ADAMTS12: variants seen among roughly 807,000 people sequenced by gnomAD.
The protein encoded by ADAMTS12 is A disintegrin and metalloproteinase with thrombospondin motifs 12.
ADAMTS12 carries 118 observed loss-of-function variants against 167.8 expected under a neutral mutation model. The observed-to-expected ratio is 0.70, with a 90% CI of 0.61 to 0.82. The LOEUF (loss-of-function observed/expected upper bound fraction) is 0.82, where lower values mean the gene tolerates loss of function less well. Among genes scored for constraint, ADAMTS12 ranks in the 40% least tolerant of loss-of-function variants. ADAMTS12 has a pLI of 0.00. For synonymous variants in ADAMTS12, 704 were observed against 716.9 expected (o/e 0.98, Z 0.29); for missense variants, 1,916 against 1,998.8 (o/e 0.96, Z 0.79).
At chr5:33,796,259 G>T (rs1237346414) in intron 2 of ADAMTS12, among the ~76,000 whole-genome samples, 1 of 152,316 alleles carries the variant, frequency 6.6e-6, no homozygotes, top group East Asian at 1.9e-4. Context: ...GGTGCTGGAG[G>T]ATGCATCAGT....
chr5:33,822,374 C>T (rs1747898862), intron 2 of ADAMTS12, among the ~76,000 whole-genome samples: 1 of 152,138 alleles, frequency 6.6e-6, no homozygotes, highest in African/African-American at 2.4e-5. Context: ...GGGAGGAAGA[C>T]TTTAGTTCTG....
chr5:33,656,400 T>C (rs1469253380), intron 7 of ADAMTS12, among the ~76,000 whole-genome samples: 1 of 152,182 alleles, frequency 6.6e-6, no homozygotes, highest in Non-Finnish European at 1.5e-5. Context: ...TTTACTTAGG[T>C]GGCCTTCCTT....
chr5:33,634,779 G>A (rs1000561960), intron 12 of ADAMTS12, among the ~76,000 whole-genome samples: 5 of 151,830 alleles, frequency 3.3e-5, no homozygotes, highest in African/African-American at 1.2e-4. Context: ...ACCACAGAAA[G>A]GTATAAAAAC....
intron 2 of ADAMTS12, among the ~76,000 whole-genome samples, chr5:33,789,167 G>A (rs1478128207): frequency 7.1e-6 from 1 of 141,290 alleles, no homozygotes; most frequent in Non-Finnish European, 1.5e-5. Context: ...TTCCCTAGGG[G>A]ACAGAAAGGT....
In ADAMTS12 at chr5:33,526,201, G is replaced by A. The variant is rs746534046; in HGVS notation, c.*987C>T. ...CCTCCATTTTCCAACCTGAGAAGAG[G>A]TGAGGACAGGTGGCAGCCCTAGAGC... On this transcript the variant is annotated 3_prime_UTR_variant, in exon 24 of 24. Coordinates refer to ENST00000504830, the MANE Select transcript of ADAMTS12 (RefSeq NM_030955.4). 15 of 152,186 alleles carry A rather than the reference G, an allele frequency of 9.9e-5. No individual in the cohort carries two copies. Among genetic ancestry groups the A allele is most frequent in the African/African-American group, 3.6e-4 (15 of 41,418 alleles). The allele number at this position is 152,186 out of a possible 1,614,324, so 9.4% of individuals were successfully genotyped here.
chr5:33,649,968 G>C lies in ADAMTS12; in HGVS notation c.1191-271C>G, dbSNP rs74915942. ...AAACTTCTGCTTGGCAGAAGGCTAAGAGCTCTGTCTGGCTTTCTTTCTATG... is the reference window on the plus strand; with the variant it reads ...AAACTTCTGCTTGGCAGAAGGCTAACAGCTCTGTCTGGCTTTCTTTCTATG... On this transcript the variant is annotated intron_variant, in intron 7 of 23. Coordinates refer to ENST00000504830, the MANE Select transcript of ADAMTS12 (RefSeq NM_030955.4). Among the ~76,000 whole-genome samples, 826 of 152,336 alleles carry C rather than the reference G, an allele frequency of 5.4e-3. 2 individuals are homozygous for C. Among genetic ancestry groups the C allele is most frequent in the African/African-American group, 0.019 (796 of 41,592 alleles).
chr5:33,608,212 A>G (rs1428935559), intron 16 of ADAMTS12, among the ~76,000 whole-genome samples: 1 of 152,256 alleles, frequency 6.6e-6, no homozygotes, highest in East Asian at 1.9e-4. Flanking sequence ...AGGAGGAAAG[A>G]CACACAAAAA....
intron 2 of ADAMTS12, among the ~76,000 whole-genome samples, chr5:33,785,773 T>A (rs1746303466): frequency 6.6e-6 from 1 of 152,200 alleles, no homozygotes; most frequent in South Asian, 2.1e-4. Flanking sequence ...CTCAAAAGAC[T>A]AACATAGACA....
chr5:33,873,843 T>C (rs1750129366), intron 2 of ADAMTS12, among the ~76,000 whole-genome samples: 3 of 152,088 alleles, frequency 2.0e-5, no homozygotes, highest in Non-Finnish European at 4.4e-5. Context: ...GCTGAACAAA[T>C]GAACATTCAC....
intron 2 of ADAMTS12, among the ~76,000 whole-genome samples, chr5:33,841,279 CA>C (rs1157961747): frequency 6.6e-6 from 1 of 152,204 alleles, no homozygotes; most frequent in Non-Finnish European, 1.5e-5. Flanking sequence ...CCTTCCTTTT[CA>C]TCCTTTTTGT....
chr5:33,735,122 C>T (rs1192667723), intron 3 of ADAMTS12, among the ~76,000 whole-genome samples: 2 of 152,164 alleles, frequency 1.3e-5, no homozygotes, highest in Admixed American at 6.5e-5. Flanking sequence ...GTTAAATTCT[C>T]CCAACCCTTA....
chr5:33,780,559 G>A (rs1746088687), intron 2 of ADAMTS12, among the ~76,000 whole-genome samples: 2 of 152,200 alleles, frequency 1.3e-5, no homozygotes, highest in South Asian at 4.1e-4. Context: ...ATAAGCTAAG[G>A]TGGTTCAGGT....
chr5:33,886,434 C>G (rs1001556630), intron 1 of ADAMTS12, among the ~76,000 whole-genome samples: 2 of 152,210 alleles, frequency 1.3e-5, no homozygotes, highest in Non-Finnish European at 2.9e-5. Flanking sequence ...TAGGAAGTCA[C>G]TATGCCACGT....
Position 33,576,528 on chromosome 5 carries a change from A to T in ADAMTS12, c.3498T>A (p.Pro1166=), listed in dbSNP as rs372328985. The change falls in exon 19 of 24, where the codon CCT becomes CCA. Residue 1166 remains proline (P), a synonymous_variant. Transcript: ENST00000504830. ...CAGGATTGCTTTCATCTTTGTCCTC[A>T]GGCTGTTCTCTTTCTTCCCCTGAGC... is the stretch of plus-strand genomic sequence containing the variant. ...HSGSGEEREQ[P]EDKDESNPVI... 2 of 1,613,152 alleles carry T rather than the reference A, an allele frequency of 1.2e-6. No homozygotes were observed. The highest frequency in any genetic ancestry group is 8.5e-7 in the Non-Finnish European group (1 of 1,179,606).
At chr5:33,563,640 G>T (rs552596051) in intron 19 of ADAMTS12, among the ~76,000 whole-genome samples, 117 of 152,204 alleles carry the variant, frequency 7.7e-4, no homozygotes, top group African/African-American at 2.5e-3. Context: ...TATTTTACAC[G>T]ACCACACAGT....
At chr5:33,729,411 T>C (rs762053707) in intron 3 of ADAMTS12, among the ~76,000 whole-genome samples, 9 of 152,226 alleles carry the variant, frequency 5.9e-5, no homozygotes, top group Admixed American at 1.3e-4. Flanking sequence ...CTGCATCTTA[T>C]TGGTTGAGCT....
rs1579618879 is a variant in ADAMTS12 at position 33,525,870 on chromosome 5, C to T, written c.*1318G>A. 1 of 152,260 alleles carries T rather than the reference C, an allele frequency of 6.6e-6. No homozygotes were observed. The allele number at this position is 152,260 out of a possible 1,614,324, so 9.4% of individuals were successfully genotyped here. A position where few individuals can be genotyped will look rare whatever the true frequency, so the allele number is the denominator to read the frequency against. ...GGTTCAGTTCATGTAAGTACCTTCC[C>T]TTAGAAATCACTTTGTCTAGAAATT... is the stretch of plus-strand genomic sequence containing the variant. On this transcript the variant is annotated 3_prime_UTR_variant, in exon 24 of 24. Coordinates refer to ENST00000504830, the MANE Select transcript of ADAMTS12 (RefSeq NM_030955.4).
chr5:33,870,845 A>G (rs1750013736), intron 2 of ADAMTS12, among the ~76,000 whole-genome samples: 1 of 152,146 alleles, frequency 6.6e-6, no homozygotes, highest in Admixed American at 6.5e-5. Flanking sequence ...CTCTGGCTAT[A>G]TAAGATGTGC....
chr5:33,577,889 G>A lies in ADAMTS12; in HGVS notation c.2866-729C>T, dbSNP rs73758599. Among the ~76,000 whole-genome samples the A allele has an allele frequency of 6.7e-3, 1,021 of 152,290 alleles. 17 individuals carry two copies. Among genetic ancestry groups the A allele is most frequent in the African/African-American group, 0.024 (992 of 41,560 alleles). ...CCAATGTTCCCTCCACATTCTGTATGCCATGCTGAAGCCCAAGCAGCTAGA... is the reference window on the plus strand; with the variant it reads ...CCAATGTTCCCTCCACATTCTGTATACCATGCTGAAGCCCAAGCAGCTAGA... On this transcript the variant is annotated intron_variant, in intron 18 of 23. Transcript: ENST00000504830.
Sources: gnomAD v4.1 joint callset for allele counts (sites outside exome capture counted in the v4.1 genomes callset) on GRCh38, gnomAD v4.1.1 for gene constraint, MANE v1.5 for transcripts, NCBI Gene and HGNC (gene_info 2026-07-23, HGNC 2026-07-21) for gene names.